The following FAM117A variants were observed in gnomAD, a reference collection of about 807,000 sequenced individuals.
The protein encoded by FAM117A is family with sequence similarity 117 member A.
In FAM117A, 21 loss-of-function variants were observed where a neutral mutation model predicts 44.1. The observed-to-expected ratio is 0.48, with a 90% CI of 0.34 to 0.69. FAM117A has a LOEUF of 0.69. Ranked by LOEUF, FAM117A falls within the 30% of genes least tolerant of loss-of-function variation. FAM117A has a pLI of 0.01. For synonymous variants in FAM117A, 220 were observed against 238.3 expected, an observed-to-expected ratio of 0.92 and a Z score of 0.71; for missense variants, 498 against 589.9, an observed-to-expected ratio of 0.84 and a Z score of 1.61.
intron 1 of FAM117A, among the ~76,000 whole-genome samples, chr17:49,779,686 A>T (rs969461201): frequency 3.3e-5 from 5 of 152,134 alleles, no homozygotes; most frequent in African/African-American, 1.2e-4. Context: ...CTGCCCAGAG[A>T]CTTGGGTCTT....
At position 49,711,523 on chromosome 17, in the gene FAM117A, G is replaced by A. The variant is rs1277816947; in HGVS notation, c.1094C>T (p.Ser365Phe). ...ATGGACTTTGTTCTTGTCAGGACAG[G>A]AAGTCAGGAAGGCCAGGTCAGGACC... ...SPGPDLAFLTSCPDKNKVHFN... is the reference protein window; with the variant it reads ...SPGPDLAFLTFCPDKNKVHFN... The change falls in exon 8 of 8, where the codon TCC becomes TTC. Residue 365 changes from serine to phenylalanine, a missense_variant. Ser to Phe is a radical substitution (Grantham distance 155). Around this residue, in one of 3 missense-constraint regions of FAM117A, gnomAD observed 224 missense variants for 296.5 expected, o/e 0.76. Coordinates refer to ENST00000240364, the MANE Select transcript of FAM117A (RefSeq NM_030802.4). 8 of 1,614,100 alleles carry A rather than the reference G, an allele frequency of 5.0e-6. No individual in the cohort carries two copies. The South Asian group carries it at 7.7e-5, about 16-fold the overall frequency.
At chr17:49,745,192 C>T (rs968560527) in intron 1 of FAM117A, among the ~76,000 whole-genome samples, 3 of 152,108 alleles carry the variant, frequency 2.0e-5, no homozygotes, top group African/African-American at 4.8e-5. Context: ...CAAACGTTGA[C>T]AGAATTTGAT....
chr17:49,743,695 C>T lies in FAM117A; in HGVS notation c.197-10975G>A, dbSNP rs972926880. ...AGTGAGCCGAGATCGTGCCACTGCA[C>T]TCCAGCCTGGGCAACAGAGTGAGAC... On this transcript the variant is annotated intron_variant, in intron 1 of 7. Transcript: ENST00000240364. 2.0e-5 allele frequency among the ~76,000 whole-genome samples: 3 copies of T among 151,818 alleles called. No individual in the cohort carries two copies. The East Asian group carries it at 5.8e-4, about 29-fold the overall frequency.
At chr17:49,759,395 T>C (rs750458351) in intron 1 of FAM117A, among the ~76,000 whole-genome samples, 3 of 152,206 alleles carry the variant, frequency 2.0e-5, no homozygotes, top group Non-Finnish European at 4.4e-5. Context: ...TGCCTGGTGC[T>C]GGCAAAGCTG....
At chr17:49,723,227 A>G (rs2073543683) in intron 2 of FAM117A, among the ~76,000 whole-genome samples, 1 of 151,980 alleles carries the variant, frequency 6.6e-6, no homozygotes, top group African/African-American at 2.4e-5. Context: ...TTCAGAAAGG[A>G]GAGAGCCACA....
chr17:49,717,452 G>A, intron 6 of FAM117A, 61 bp downstream of exon 6: 1 of 1,474,046 alleles, frequency 6.8e-7, no homozygotes. Context: ...AGGTGGAAAA[G>A]GGAGTGGAGC....
intron 1 of FAM117A, 49 bp downstream of exon 1, chr17:49,763,843 C>G (rs939977032): frequency 1.2e-4 from 128 of 1,028,652 alleles, no homozygotes; most frequent in Non-Finnish European, 1.5e-4. Context: ...CACGCGCCCC[C>G]CCTCCCCCAA....
At chr17:49,758,777 G>C (rs1358000284) in intron 1 of FAM117A, among the ~76,000 whole-genome samples, 1 of 152,076 alleles carries the variant, frequency 6.6e-6, no homozygotes, top group African/African-American at 2.4e-5. Context: ...GTGTCAGTAA[G>C]AACTCCATAA....
intron 5 of FAM117A, among the ~76,000 whole-genome samples, chr17:49,719,019 T>TTAGGGAGGCCGAGGCGGGTGGATCATGA (rs2073519933): frequency 6.8e-6 from 1 of 147,776 alleles, no homozygotes; most frequent in Non-Finnish European, 1.5e-5. Context: ...ATCCCAGCAC[T>TTAGGGAGGCCGAGGCGGGTGGATCATGA]TAGGGAGGCC....
chr17:49,715,297 A>G (rs141034401), intron 7 of FAM117A, among the ~76,000 whole-genome samples: 5 of 152,250 alleles, frequency 3.3e-5, no homozygotes, highest in South Asian at 2.1e-4. Flanking sequence ...GGCTGCCACC[A>G]TGGGTTATTG....
At chr17:49,762,257 A>C (rs2073725114) in intron 1 of FAM117A, among the ~76,000 whole-genome samples, 1 of 152,218 alleles carries the variant, frequency 6.6e-6, no homozygotes, top group Non-Finnish European at 1.5e-5. Flanking sequence ...AAAGTGACTA[A>C]GGTTCCGGTT....
intron 2 of FAM117A, among the ~76,000 whole-genome samples, chr17:49,723,839 C>T (rs1269349634): frequency 1.3e-5 from 2 of 152,124 alleles, no homozygotes; most frequent in Admixed American, 6.5e-5. Flanking sequence ...TGGATCAGCA[C>T]CTTTACTGGG....
At chr17:49,749,717 G>A (rs1171807293) in intron 1 of FAM117A, among the ~76,000 whole-genome samples, 1 of 148,128 alleles carries the variant, frequency 6.8e-6, no homozygotes, top group Non-Finnish European at 1.5e-5. Flanking sequence ...ATATATAGCT[G>A]CAACCCTGCT....
intron 1 of FAM117A, among the ~76,000 whole-genome samples, chr17:49,748,057 T>G (rs964523317): frequency 6.6e-6 from 1 of 152,216 alleles, no homozygotes; most frequent in African/African-American, 2.4e-5. Flanking sequence ...TCGCCTCTCC[T>G]GTGCTTCCAG....
At chr17:49,716,083 A>C in intron 7 of FAM117A, 82 bp downstream of exon 7, 1 of 1,496,080 alleles carries the variant, frequency 6.7e-7, no homozygotes, top group Non-Finnish European at 9.2e-7. Context: ...CCTCTATGAC[A>C]AGAGAGAGTC....
chr17:49,721,718 G>A (rs932492681), intron 3 of FAM117A, among the ~76,000 whole-genome samples: 4 of 152,210 alleles, frequency 2.6e-5, no homozygotes, highest in Admixed American at 2.0e-4. Flanking sequence ...TAACCTCAAT[G>A]ACTTGAGCAC....
At chr17:49,739,138 G>A (rs2143748239) in intron 1 of FAM117A, among the ~76,000 whole-genome samples, 1 of 152,270 alleles carries the variant, frequency 6.6e-6, no homozygotes, top group Non-Finnish European at 1.5e-5. Flanking sequence ...TTACCTCTGA[G>A]GGATGTTATG....
intron 1 of FAM117A, among the ~76,000 whole-genome samples, chr17:49,740,153 C>T (rs926242707): frequency 1.3e-5 from 2 of 152,090 alleles, no homozygotes; most frequent in Admixed American, 6.5e-5. Flanking sequence ...GGAAAGTCAA[C>T]ATGGCAGAAG....
At chr17:49,725,846 A>G (rs2073557083) in intron 2 of FAM117A, among the ~76,000 whole-genome samples, 1 of 152,230 alleles carries the variant, frequency 6.6e-6, no homozygotes, top group African/African-American at 2.4e-5. Context: ...TACCATTACA[A>G]ACGTCCTTAA....
Sources: gnomAD v4.1 joint callset for allele counts (sites outside exome capture counted in the v4.1 genomes callset) on GRCh38, gnomAD v4.1.1 for gene constraint, gnomAD v4.1.1 regional missense constraint, MANE v1.5 for transcripts, NCBI Gene and HGNC (gene_info 2026-07-23, HGNC 2026-07-21) for gene names.